SLIT3: variants seen among roughly 807,000 people sequenced by gnomAD.
The protein encoded by SLIT3 is slit guidance ligand 3, also known as slit homolog 3 protein.
In SLIT3, 68 loss-of-function variants were observed where a neutral mutation model predicts 184.0. The ratio of observed to expected loss-of-function variants is 0.37; its 90% CI spans 0.30 to 0.45. The LOEUF is 0.45. Ranked by LOEUF, SLIT3 falls within the 20% of genes least tolerant of loss-of-function variation. SLIT3 has a pLI of 1.00. For missense variants in SLIT3, 1,707 were observed against 2,026.0 expected (o/e 0.84, Z 3.02); for synonymous variants, 831 against 828.6 (o/e 1.00, Z -0.05).
intron 9 of SLIT3, among the ~76,000 whole-genome samples, chr5:168,798,486 C>G (rs1229389775): frequency 2.0e-5 from 3 of 152,076 alleles, no homozygotes; most frequent in African/African-American, 7.2e-5. Flanking sequence ...GCCTCAGCAT[C>G]CCAAAGTGCT....
At chr5:169,004,175 A>G (rs1052989613) in intron 4 of SLIT3, among the ~76,000 whole-genome samples, 1 of 151,964 alleles carries the variant, frequency 6.6e-6, no homozygotes, top group Non-Finnish European at 1.5e-5. Flanking sequence ...AAAAACACAC[A>G]CACCAAAAAA....
intron 4 of SLIT3, among the ~76,000 whole-genome samples, chr5:168,920,072 A>T (rs1761587505): frequency 6.6e-6 from 1 of 152,100 alleles, no homozygotes; most frequent in African/African-American, 2.4e-5. Context: ...TCTAGAAGGG[A>T]TCTCTAGCAC....
At chr5:168,813,900 T>G (rs1344503705) in intron 8 of SLIT3, among the ~76,000 whole-genome samples, 3 of 152,234 alleles carry the variant, frequency 2.0e-5, no homozygotes, top group Non-Finnish European at 4.4e-5. Context: ...GCTTTTCTTA[T>G]GCTGCCTGGA....
chr5:168,881,194 G>A (rs2113785277), intron 5 of SLIT3, among the ~76,000 whole-genome samples: 1 of 152,306 alleles, frequency 6.6e-6, no homozygotes, highest in Admixed American at 6.5e-5. Flanking sequence ...ACATTTGCAT[G>A]GCTTAGAGGG....
chr5:168,947,081 AAGTC>A (rs1219893021), intron 4 of SLIT3, among the ~76,000 whole-genome samples: 2 of 152,190 alleles, frequency 1.3e-5, no homozygotes, highest in Non-Finnish European at 2.9e-5. Flanking sequence ...CTGCATGAGA[AAGTC>A]AGTATTGTCT....
chr5:168,902,757 C>T (rs1760913335), intron 4 of SLIT3, among the ~76,000 whole-genome samples: 1 of 152,202 alleles, frequency 6.6e-6, no homozygotes, highest in Non-Finnish European at 1.5e-5. Flanking sequence ...TGGTGTAAAG[C>T]TTGCTGGGCA....
chr5:168,700,762 A>G lies in SLIT3; in HGVS notation c.2845-83T>C. ...CCCAGGGGACTCCAGGGGTTCCAGC[A>G]TTCTCTGTGATGAGGCTGGGGAGAT... On this transcript the variant is annotated intron_variant, in intron 26 of 35. Transcript: ENST00000519560. 3 of 970,546 alleles carry G rather than the reference A, an allele frequency of 3.1e-6. No homozygotes were observed. The South Asian group carries it at 4.0e-5, about 13-fold the overall frequency. 60.1% of individuals were successfully genotyped at this position (970,546 alleles called of 1,614,324 possible).
At chr5:168,706,049 A>G (rs1253756243) in intron 26 of SLIT3, among the ~76,000 whole-genome samples, 1 of 152,222 alleles carries the variant, frequency 6.6e-6, no homozygotes, top group Non-Finnish European at 1.5e-5. Context: ...CAGTTCTAGG[A>G]GAATGACTGA....
chr5:168,735,670 ACACACACACAC>A, intron 20 of SLIT3, among the ~76,000 whole-genome samples: 1 of 99,502 alleles, frequency 1.0e-5, no homozygotes, highest in Non-Finnish European at 2.5e-5. Flanking sequence ...ATACACACAC[ACACACACACAC>A]ACACACACAC....
chr5:169,248,922 C>T (rs1765685687), intron 2 of SLIT3, among the ~76,000 whole-genome samples: 1 of 152,174 alleles, frequency 6.6e-6, no homozygotes, highest in African/African-American at 2.4e-5. Flanking sequence ...GACTGAAGTT[C>T]CTCAATCTCC....
intron 3 of SLIT3, among the ~76,000 whole-genome samples, chr5:169,204,389 G>A (rs192254621): frequency 2.8e-4 from 42 of 152,298 alleles, no homozygotes; most frequent in Admixed American, 2.4e-3. Flanking sequence ...CAATGATGTT[G>A]AGACGTCCAA....
chr5:169,207,370 TACACACACACACACACACACACACAC>T (rs56721949), intron 3 of SLIT3, among the ~76,000 whole-genome samples: 1 of 131,866 alleles, frequency 7.6e-6, no homozygotes, highest in Non-Finnish European at 1.6e-5. Context: ...TACACATACA[TACACACACACACACACACACACACAC>T]ACACACACAC....
intron 4 of SLIT3, among the ~76,000 whole-genome samples, chr5:169,076,523 C>T (rs1323242346): frequency 1.3e-5 from 2 of 152,206 alleles, no homozygotes. Context: ...CTCTCTCTCT[C>T]TAGCTTGCTA....
At chr5:169,272,607 G>A (rs577453941) in intron 1 of SLIT3, among the ~76,000 whole-genome samples, 6 of 152,314 alleles carry the variant, frequency 3.9e-5, no homozygotes, top group East Asian at 1.9e-4. Context: ...TGATGTGATC[G>A]TGTCTCTCAT....
intron 6 of SLIT3, among the ~76,000 whole-genome samples, chr5:168,831,469 T>G (rs946142831): frequency 6.6e-6 from 1 of 152,164 alleles, no homozygotes; most frequent in Non-Finnish European, 1.5e-5. Context: ...GGGCATATAA[T>G]GAAAACAACT....
intron 3 of SLIT3, among the ~76,000 whole-genome samples, chr5:169,207,027 TTGAA>T (rs1216681347): frequency 2.7e-5 from 4 of 150,606 alleles, no homozygotes; most frequent in Non-Finnish European, 5.9e-5. Context: ...TTCGATCTGA[TTGAA>T]TCTTTTCCTT....
chr5:169,084,522 G>A (rs1172462850), intron 4 of SLIT3, among the ~76,000 whole-genome samples: 1 of 145,868 alleles, frequency 6.9e-6, no homozygotes, highest in Admixed American at 7.0e-5. Flanking sequence ...ATGTTAGGCT[G>A]GTTGGAAACT....
At chr5:169,140,079 C>G (rs1303757662) in intron 4 of SLIT3, among the ~76,000 whole-genome samples, 2 of 151,938 alleles carry the variant, frequency 1.3e-5, no homozygotes, top group Admixed American at 6.6e-5. Flanking sequence ...CCAAGGCTGA[C>G]TGGGGAGCAA....
intron 1 of SLIT3, among the ~76,000 whole-genome samples, chr5:169,267,309 G>A (rs1766432466): frequency 6.6e-6 from 1 of 152,140 alleles, no homozygotes; most frequent in East Asian, 1.9e-4. Context: ...AAATGACCTG[G>A]TCAGAGAATT....
Sources: gnomAD v4.1 joint callset for allele counts (sites outside exome capture counted in the v4.1 genomes callset) on GRCh38, gnomAD v4.1.1 for gene constraint, MANE v1.5 for transcripts, NCBI Gene and HGNC (gene_info 2026-07-23, HGNC 2026-07-21) for gene names.